IPO7: variants seen among roughly 807,000 people sequenced by gnomAD.
IPO7 encodes the protein importin-7.
IPO7 carries 13 observed loss-of-function variants against 136.4 expected under a neutral mutation model. The ratio of observed to expected loss-of-function variants is 0.10; its 90% CI spans 0.06 to 0.15. The LOEUF is 0.15. IPO7 is among the 10% of genes least tolerant of loss of function. The pLI is 1.00. For synonymous variants in IPO7, 403 were observed against 404.4 expected (o/e 1.00, Z 0.04); for missense variants, 857 against 1,240.6 (o/e 0.69, Z 4.65).
chr11:9,406,880 G>GA (rs905302069), intron 2 of IPO7, among the ~76,000 whole-genome samples: 5 of 150,768 alleles, frequency 3.3e-5, no homozygotes, highest in African/African-American at 9.7e-5. Context: ...TCTCAAAAAA[G>GA]AAAAAAAAAT....
At chr11:9,444,152 C>A (rs1006125581) in intron 24 of IPO7, among the ~76,000 whole-genome samples, 1 of 151,542 alleles carries the variant, frequency 6.6e-6, no homozygotes, top group Admixed American at 6.6e-5. Context: ...GTGGTGCACA[C>A]CTGTAGTCCC....
chr11:9,414,419 C>T lies in IPO7; in HGVS notation c.636+8C>T, dbSNP rs1299760571. The T allele has an allele frequency of 1.9e-6, 3 of 1,559,276 alleles. No homozygotes were observed. In the East Asian group the frequency reaches 7.0e-5, roughly 36 times the overall value. On this transcript the variant is annotated splice_region_variant and intron_variant, in intron 5 of 24. Transcript: ENST00000379719. ...TTCTATGCTCTTGTTCAGGTAATATCTGTGAAGCAGTTTTTATGCATAAAA... is the reference window on the plus strand; with the variant it reads ...TTCTATGCTCTTGTTCAGGTAATATTTGTGAAGCAGTTTTTATGCATAAAA...
chr11:9,433,324 A>T (rs911462137), intron 16 of IPO7: 2 of 471,628 alleles, frequency 4.2e-6, no homozygotes, highest in African/African-American at 3.9e-5. Flanking sequence ...TTTTTCGAGA[A>T]TGTTGTTTTT....
intron 19 of IPO7, among the ~76,000 whole-genome samples, chr11:9,435,925 G>T (rs541839750): frequency 2.4e-4 from 36 of 152,092 alleles, no homozygotes; most frequent in African/African-American, 6.5e-4. Context: ...AGTTCTTTAC[G>T]TGAGAAAGGT....
chr11:9,421,800 C>T (rs757445712), intron 8 of IPO7, among the ~76,000 whole-genome samples: 31 of 150,256 alleles, frequency 2.1e-4, no homozygotes, highest in Admixed American at 4.7e-4. Context: ...AAAATGTAGC[C>T]GGGCGTGGTG....
At chr11:9,413,889 G>A (rs946603114) in intron 4 of IPO7, among the ~76,000 whole-genome samples, 4 of 151,294 alleles carry the variant, frequency 2.6e-5, no homozygotes, top group African/African-American at 9.8e-5. Flanking sequence ...GTTAGAGACT[G>A]CATAGTCAAG....
chr11:9,400,476 C>T (rs922619372), intron 1 of IPO7, among the ~76,000 whole-genome samples: 4 of 151,708 alleles, frequency 2.6e-5, no homozygotes, highest in East Asian at 3.9e-4. Context: ...GGCTGGAGTG[C>T]GGTGGCGCGA....
chr11:9,432,201 C>CT (rs557417149), intron 16 of IPO7, among the ~76,000 whole-genome samples: 6,332 of 134,816 alleles, frequency 0.047, 422 homozygotes, highest in African/African-American at 0.14. Context: ...TTTCACTAAA[C>CT]TTTTTTTTTT....
At chr11:9,395,820 G>T (rs966945173) in intron 1 of IPO7, among the ~76,000 whole-genome samples, 1 of 151,668 alleles carries the variant, frequency 6.6e-6, no homozygotes, top group African/African-American at 2.4e-5. Flanking sequence ...AAGTTCTAGT[G>T]ATTTTCCTGC....
intron 14 of IPO7, among the ~76,000 whole-genome samples, 168 bp from the exon 15 acceptor site, chr11:9,429,506 A>G (rs1465728141): frequency 6.6e-6 from 1 of 151,828 alleles, no homozygotes; most frequent in Non-Finnish European, 1.5e-5. Context: ...CCTGCCTCTT[A>G]TAAAATATAT....
At chr11:9,437,412 G>T (rs1326150395) in intron 20 of IPO7, among the ~76,000 whole-genome samples, 5 of 146,226 alleles carry the variant, frequency 3.4e-5, no homozygotes, top group Non-Finnish European at 7.7e-5. Flanking sequence ...CCGCCACCAC[G>T]CCTGGCTAAT....
chr11:9,437,401 C>G (rs1215634537), intron 20 of IPO7, among the ~76,000 whole-genome samples: 1 of 145,574 alleles, frequency 6.9e-6, no homozygotes, highest in Non-Finnish European at 1.5e-5. Context: ...ACTACAGGCA[C>G]CCGCCACCAC....
intron 15 of IPO7, 162 bp from the exon 16 acceptor site, chr11:9,430,713 A>G (rs895787761): frequency 9.7e-6 from 6 of 621,672 alleles, no homozygotes; most frequent in African/African-American, 1.8e-5. Flanking sequence ...TGAGCAGACT[A>G]TTTGATTATA....
At chr11:9,384,906 G>GGTGGGC in intron 1 of IPO7, 59 bp downstream of exon 1, 1 of 1,365,764 alleles carries the variant, frequency 7.3e-7, no homozygotes. Flanking sequence ...GTGGCAGGCC[G>GGTGGGC]AGCCCCCGGG....
chr11:9,428,575 G>A lies in IPO7; in HGVS notation c.1371G>A (p.Leu457=), dbSNP rs756380655. 3 of 1,565,894 alleles carry A rather than the reference G, an allele frequency of 1.9e-6. No individual in the cohort carries two copies. The highest frequency in any genetic ancestry group is 3.5e-5 in the Admixed American group (2 of 56,822). Residue 457 remains leucine, a synonymous_variant, in exon 13 of 25, where the codon TTG becomes TTA. Transcript: ENST00000379719. ...KIYKDQMEYM[L]QNHVFPLFSS... is the part of the protein sequence containing the mutation. ...ATAAAGATCAGATGGAATACATGTT[G>A]CAGAATCATGTATTCCCTCTCTTCA...
intron 1 of IPO7, among the ~76,000 whole-genome samples, chr11:9,391,701 TA>T: frequency 6.6e-6 from 1 of 152,210 alleles, no homozygotes; most frequent in East Asian, 1.9e-4. Flanking sequence ...GACTCCATCT[TA>T]AAAAATAAAA....
chr11:9,430,808 A>C, intron 15 of IPO7, 67 bp from the exon 16 acceptor site: 1 of 1,389,622 alleles, frequency 7.2e-7, no homozygotes, highest in Non-Finnish European at 1.0e-6. Flanking sequence ...AAGAATTAAA[A>C]GTCTTAGACC....
At chr11:9,420,352 C>G in intron 6 of IPO7, 59 bp from the exon 7 acceptor site, 1 of 1,115,122 alleles carries the variant, frequency 9.0e-7, no homozygotes, top group Non-Finnish European at 1.3e-6. Flanking sequence ...CTATTCTCAT[C>G]TCATGCTGTT....
intron 1 of IPO7, 113 bp from the exon 2 acceptor site, chr11:9,403,177 T>G: frequency 1.4e-6 from 1 of 722,686 alleles, no homozygotes; most frequent in Non-Finnish European, 2.4e-6. Flanking sequence ...GAACCAGTTA[T>G]GAAGAGCCTT....
Sources: allele counts gnomAD v4.1 joint callset (sites outside exome capture counted in the v4.1 genomes callset), GRCh38; gene constraint gnomAD v4.1.1; transcripts MANE v1.5; gene names NCBI Gene and HGNC (gene_info 2026-07-23, HGNC 2026-07-21).